The following TRIOBP variants were observed in gnomAD, a reference collection of about 807,000 sequenced individuals.
The protein encoded by TRIOBP is TRIO and F-actin binding protein.
A neutral mutation model predicts 238.8 loss-of-function variants in TRIOBP; 169 were observed. That is an observed-to-expected ratio of 0.71 (90% CI 0.62 to 0.80). The LOEUF (loss-of-function observed/expected upper bound fraction) is 0.80, where lower values mean the gene tolerates loss of function less well. TRIOBP is among the 30% of genes least tolerant of loss of function. TRIOBP has a pLI of 0.00. For missense variants in TRIOBP, 2,838 were observed against 3,122.6 expected (o/e 0.91, Z 2.17); for synonymous variants, 1,150 against 1,274.4 (o/e 0.90, Z 2.08).
chr22:37,758,961 A>G (rs936826576), intron 16 of TRIOBP, among the ~76,000 whole-genome samples, 193 bp from the exon 17 acceptor site: 5 of 152,144 alleles, frequency 3.3e-5, no homozygotes, highest in African/African-American at 1.2e-4. Flanking sequence ...CATCCAGGAA[A>G]CAGCCCAGCG....
At chr22:37,743,803 G>A (rs1357383994) in intron 11 of TRIOBP, among the ~76,000 whole-genome samples, 1 of 46,404 alleles carries the variant, frequency 2.2e-5, no homozygotes, top group South Asian at 5.6e-4. Context: ...GAGAGAGAAT[G>A]TGTGTGTGTG....
At chr22:37,769,868 A>G (rs1262158289) in intron 21 of TRIOBP, among the ~76,000 whole-genome samples, 1 of 151,682 alleles carries the variant, frequency 6.6e-6, no homozygotes, top group Non-Finnish European at 1.5e-5. Flanking sequence ...AGCTAGGATT[A>G]CAGGCCTGCA....
At position 37,723,671 on chromosome 22, in the gene TRIOBP, C is replaced by T; in HGVS notation, c.1115C>T (p.Thr372Ile). Residue 372 changes from threonine to isoleucine, a missense_variant, in exon 7 of 24, where the codon ACT becomes ATT. Physicochemically the swap from Thr to Ile is moderately conservative, Grantham distance 89. Around this residue, in one of 5 missense-constraint regions of TRIOBP, gnomAD observed 535 missense variants for 537.3 expected, o/e 1.00. Coordinates refer to ENST00000644935, the MANE Select transcript of TRIOBP (RefSeq NM_001039141.3). ...CCCCAAACTTCTTTTCCTACTTGTA[C>T]TCCCCAGCGGGAAAACCCCAGGACA... Reference protein sequence around the residue: ...DNPQTSFPTCTPQRENPRTPC... With the variant: ...DNPQTSFPTCIPQRENPRTPC... 1 of 1,614,152 alleles carries T rather than the reference C, an allele frequency of 6.2e-7. No individual in the cohort carries two copies. Among genetic ancestry groups the T allele is most frequent in the Non-Finnish European group, 8.5e-7 (1 of 1,180,020 alleles).
In TRIOBP at chr22:37,759,230, A is replaced by G. The variant is rs765913223; in HGVS notation, c.6290A>G (p.Glu2097Gly). ...CCTCAGAGTGCACTGAGATCCCAGG[A>G]GGATGGCCACATCCCCCCGGGCTAC... is the stretch of plus-strand genomic sequence containing the variant. ...EAPQSALRSQ[E>G]DGHIPPGYIS... is the part of the protein sequence containing the mutation. The change falls in exon 17 of 24, where the codon GAG becomes GGG. Residue 2097 changes from glutamate (E) to glycine (G), a missense_variant. Glu to Gly is a moderately conservative substitution (Grantham distance 98, BLOSUM62 -2). Transcript: ENST00000644935. 4 of 1,613,058 alleles carry G rather than the reference A, an allele frequency of 2.5e-6. No homozygotes were observed. The highest frequency in any genetic ancestry group is 1.7e-6 in the Non-Finnish European group (2 of 1,179,966).
rs183024099 is a variant in TRIOBP at position 37,723,688 on chromosome 22, C to T, written c.1132C>T (p.Pro378Ser). 1,053 of 1,613,804 alleles carry T rather than the reference C, an allele frequency of 6.5e-4. 6 individuals are homozygous for T. Among genetic ancestry groups the T allele is most frequent in the Middle Eastern group, 3.3e-3 (20 of 6,060 alleles). ...TACTTGTACTCCCCAGCGGGAAAAC[C>T]CCAGGACACCCTGTGTCCAGCAGGA... The part of the protein sequence containing the change: ...FPTCTPQREN[P>S]RTPCVQQDDP... The change falls in exon 7 of 24, where the codon CCC (proline) becomes TCC (serine). Residue 378 changes from proline (P) to serine (S), a missense_variant. By Grantham distance (74) the Pro-to-Ser change is moderately conservative (BLOSUM62 -1). Around this residue, in one of 5 missense-constraint regions of TRIOBP, gnomAD observed 535 missense variants for 537.3 expected, o/e 1.00. Coordinates refer to ENST00000644935, the MANE Select transcript of TRIOBP (RefSeq NM_001039141.3).
At position 37,725,380 on chromosome 22, in the gene TRIOBP, A is replaced by C. The variant is rs1390183205; in HGVS notation, c.2824A>C (p.Thr942Pro). 1 of 1,612,004 alleles carries C rather than the reference A, an allele frequency of 6.2e-7. No individual in the cohort carries two copies. Among genetic ancestry groups the C allele is most frequent in the East Asian group, 2.2e-5 (1 of 44,838 alleles). Reference protein sequence around the residue: ...VPWASIALRPTQGDRPQTSSP... With the variant: ...VPWASIALRPPQGDRPQTSSP... ...CTGGGCATCCATCGCCCTCCGGCCA[A>C]CCCAAGGTGACAGGCCTCAGACATC... Residue 942 changes from threonine to proline, a missense_variant, in exon 7 of 24, where the codon ACC (threonine) becomes CCC (proline). Physicochemically the swap from Thr to Pro is conservative, Grantham distance 38 (BLOSUM62 -1). Around this residue, in one of 5 missense-constraint regions of TRIOBP, gnomAD observed 2,096 missense variants for 2,137.4 expected, o/e 0.98. Coordinates refer to ENST00000644935, the MANE Select transcript of TRIOBP (RefSeq NM_001039141.3).
intron 12 of TRIOBP, among the ~76,000 whole-genome samples, chr22:37,752,487 C>G (rs558087438): frequency 3.3e-5 from 5 of 152,224 alleles, no homozygotes; most frequent in Non-Finnish European, 7.3e-5. Context: ...CAGGCTGGCT[C>G]CCTGCCCACA....
intron 22 of TRIOBP, 176 bp downstream of exon 22, chr22:37,771,912 A>G: frequency 1.4e-6 from 1 of 707,488 alleles, no homozygotes; most frequent in Non-Finnish European, 2.6e-6. Context: ...AACTGAGACT[A>G]AGAAAGGGGA....
At position 37,759,172 on chromosome 22, in the gene TRIOBP, C is replaced by T; in HGVS notation, c.6232C>T (p.Gln2078Ter). 1 of 1,612,710 alleles carries T rather than the reference C, an allele frequency of 6.2e-7. No homozygotes were observed. The highest frequency in any genetic ancestry group is 8.5e-7 in the Non-Finnish European group (1 of 1,179,860). ...LEKEVQALRA[Q>*]LEAWRLQGEA... ...CTCGTAGGTTCAGGCTCTTCGGGCC[C>T]AGCTGGAGGCGTGGCGTCTCCAAGG... The change falls in exon 17 of 24, where the codon CAG (glutamine) becomes TAG (stop). Residue 2078 changes from glutamine (Q) to a stop codon, truncating the protein, a stop_gained. Coordinates refer to ENST00000644935, the MANE Select transcript of TRIOBP (RefSeq NM_001039141.3). LOFTEE classifies it high-confidence loss of function.
intron 6 of TRIOBP, among the ~76,000 whole-genome samples, chr22:37,716,785 A>G (rs1421912123): frequency 6.6e-6 from 1 of 152,234 alleles, no homozygotes; most frequent in Non-Finnish European, 1.5e-5. Context: ...GTGCCTCAGG[A>G]AGTTCCCTAG....
At chr22:37,709,974 C>T (rs4820297) in intron 3 of TRIOBP, among the ~76,000 whole-genome samples, 81,825 of 152,154 alleles carry the variant, frequency 0.54, 22,735 homozygotes, top group East Asian at 0.7. Context: ...CCTTCCTCCT[C>T]GCCCTTGTCT....
At chr22:37,747,711 G>A (rs1466269018) in intron 11 of TRIOBP, among the ~76,000 whole-genome samples, 1 of 152,264 alleles carries the variant, frequency 6.6e-6, no homozygotes, top group Non-Finnish European at 1.5e-5. Flanking sequence ...CCTCAGCCGG[G>A]TGCTTTCACG....
chr22:37,725,311 C>T lies in TRIOBP; in HGVS notation c.2755C>T (p.Pro919Ser). The change falls in exon 7 of 24, where the codon CCC (proline) becomes TCC (serine). Residue 919 changes from proline to serine, a missense_variant. Around this residue, in one of 5 missense-constraint regions of TRIOBP, gnomAD observed 2,096 missense variants for 2,137.4 expected, o/e 0.98. Transcript: ENST00000644935. ...CCTCCGGCCAACTCAGAGTGATGGT[C>T]CCCGAACCTCTTCCCCATCTCGCTC... ...FPLRPTQSDG[P>S]RTSSPSRSKQ... 1 of 1,613,900 alleles carries T rather than the reference C, an allele frequency of 6.2e-7. No individual in the cohort carries two copies. Among genetic ancestry groups the T allele is most frequent in the Non-Finnish European group, 8.5e-7 (1 of 1,180,008 alleles).
intron 17 of TRIOBP, among the ~76,000 whole-genome samples, chr22:37,764,856 C>T (rs1926405661): frequency 6.6e-6 from 1 of 152,236 alleles, no homozygotes. Context: ...TGTTCTCAGT[C>T]TTCAGGGAAT....
intron 12 of TRIOBP, 51 bp downstream of exon 12, chr22:37,751,879 G>A (rs1479358666): frequency 7.3e-7 from 1 of 1,371,770 alleles, no homozygotes; most frequent in African/African-American, 1.5e-5. Context: ...CTGCTGCTGG[G>A]CCCCTGGGCA....
chr22:37,726,473 A>G lies in TRIOBP; in HGVS notation c.3917A>G (p.Glu1306Gly), dbSNP rs1233186703. The stretch of plus-strand genomic sequence containing the variant: ...CGCACCCACAGCCCTGGCCGTGCAG[A>G]GGTGGAGCGCCTCTTCGGGCAAGAG... ...GGRTHSPGRA[E>G]VERLFGQERR... Residue 1306 changes from glutamate to glycine, a missense_variant, in exon 7 of 24, where the codon GAG becomes GGG. By Grantham distance (98) the Glu-to-Gly change is moderately conservative (BLOSUM62 -2). Coordinates refer to ENST00000644935, the MANE Select transcript of TRIOBP (RefSeq NM_001039141.3). 1.9e-6 allele frequency: 3 copies of G among 1,544,840 alleles called. No homozygotes were observed. Among genetic ancestry groups the G allele is most frequent in the Non-Finnish European group, 2.6e-6 (3 of 1,151,106 alleles).
Position 37,734,797 on chromosome 22 carries a change from C to T in TRIOBP, c.4461C>T (p.Ser1487=), listed in dbSNP as rs776459628. 6 of 1,612,304 alleles carry T rather than the reference C, an allele frequency of 3.7e-6. No individual in the cohort carries two copies. Among genetic ancestry groups the T allele is most frequent in the Non-Finnish European group, 3.4e-6 (4 of 1,179,802 alleles). Residue 1487 remains serine (S), a synonymous_variant, in exon 9 of 24, where the codon AGC becomes AGT. Transcript: ENST00000644935. ...WGGTSREYKE[S]WGQPEAWEEK... ...GCACTTCCAGGGAGTACAAGGAGAG[C>T]TGGGGGCAGCCAGAGGCCTGGGAGG...
intron 23 of TRIOBP, 72 bp from the exon 24 acceptor site, chr22:37,773,711 C>T (rs2145886945): frequency 6.5e-6 from 1 of 152,674 alleles, no homozygotes; most frequent in South Asian, 2.1e-4. Context: ...CACTCAGCAC[C>T]CTTGCTTGGC....
chr22:37,755,079 A>G (rs1925844180), intron 13 of TRIOBP, 22 bp from the exon 14 acceptor site: 4 of 1,611,994 alleles, frequency 2.5e-6, no homozygotes, highest in Admixed American at 1.7e-5. Context: ...CACACGGACC[A>G]TAGTGGGCCC....
Sources: allele counts gnomAD v4.1 joint callset (sites outside exome capture counted in the v4.1 genomes callset), GRCh38; gene constraint gnomAD v4.1.1; regional missense constraint gnomAD v4.1.1; transcripts MANE v1.5; gene names NCBI Gene and HGNC (gene_info 2026-07-23, HGNC 2026-07-21).